NOL4: variants seen among roughly 807,000 people sequenced by gnomAD.
NOL4 encodes nucleolar protein 4, also known as cancer/testis antigen 125.
NOL4 carries 17 observed loss-of-function variants against 75.9 expected under a neutral mutation model. That is an observed-to-expected ratio of 0.22 (90% CI 0.15 to 0.34). NOL4 has a LOEUF of 0.34. Among genes scored for constraint, NOL4 ranks in the 10% least tolerant of loss-of-function variants. NOL4 has a pLI of 1.00. For synonymous variants in NOL4, 292 were observed against 289.9 expected (o/e 1.01, Z -0.07); for missense variants, 614 against 793.5 (o/e 0.77, Z 2.72).
chr18:34,196,765 T>C (rs937506133), intron 1 of NOL4, among the ~76,000 whole-genome samples: 12 of 151,248 alleles, frequency 7.9e-5, no homozygotes, highest in African/African-American at 2.9e-4. Context: ...TATAATTCCT[T>C]CATCTACACT....
intron 1 of NOL4, among the ~76,000 whole-genome samples, chr18:34,169,121 G>A (rs1156920445): frequency 6.6e-6 from 1 of 151,816 alleles, no homozygotes; most frequent in Non-Finnish European, 1.5e-5. Flanking sequence ...TATAAAAAGG[G>A]AAGAAGAGCA....
chr18:34,077,200 T>C (rs1417889514), intron 5 of NOL4, among the ~76,000 whole-genome samples: 1 of 151,974 alleles, frequency 6.6e-6, no homozygotes, highest in Non-Finnish European at 1.5e-5. Context: ...CCCAGCTACC[T>C]GGGAGGCTGA....
intron 1 of NOL4, among the ~76,000 whole-genome samples, chr18:34,183,169 GTA>G (rs1365046294): frequency 6.6e-6 from 1 of 151,790 alleles, no homozygotes; most frequent in Non-Finnish European, 1.5e-5. Flanking sequence ...CAAAGGATTT[GTA>G]TTTAGAACAT....
chr18:33,982,081 T>C (rs1032093080), intron 6 of NOL4, among the ~76,000 whole-genome samples: 1 of 151,896 alleles, frequency 6.6e-6, no homozygotes, highest in Non-Finnish European at 1.5e-5. Context: ...GGAGAGAACA[T>C]GGAACCACAT....
chr18:33,908,063 T>A (rs988025466), intron 9 of NOL4, among the ~76,000 whole-genome samples: 1 of 152,120 alleles, frequency 6.6e-6, no homozygotes, highest in Non-Finnish European at 1.5e-5. Context: ...ATGGTTAGAT[T>A]GATTGTCACA....
chr18:34,079,487 A>T (rs1229810801), intron 5 of NOL4, among the ~76,000 whole-genome samples: 1 of 151,546 alleles, frequency 6.6e-6, no homozygotes, highest in Non-Finnish European at 1.5e-5. Flanking sequence ...TTGTTGCTGA[A>T]CCCTTCAGGT....
At chr18:34,061,891 T>A (rs1034321348) in intron 5 of NOL4, among the ~76,000 whole-genome samples, 1 of 152,136 alleles carries the variant, frequency 6.6e-6, no homozygotes, top group Non-Finnish European at 1.5e-5. Context: ...TAACAATATT[T>A]ATCATAGTTG....
At chr18:34,193,990 C>A (rs1329545983) in intron 1 of NOL4, among the ~76,000 whole-genome samples, 1 of 151,946 alleles carries the variant, frequency 6.6e-6, no homozygotes, top group Non-Finnish European at 1.5e-5. Flanking sequence ...ATAAATTCTT[C>A]ATGATCTCAT....
chr18:34,213,316 GTC>G (rs1271494642), intron 1 of NOL4, among the ~76,000 whole-genome samples: 2 of 152,142 alleles, frequency 1.3e-5, no homozygotes, highest in African/African-American at 4.8e-5. Flanking sequence ...TTGAGATGGA[GTC>G]TCACTCTGTC....
At chr18:34,001,957 C>A (rs1343001265) in intron 6 of NOL4, among the ~76,000 whole-genome samples, 2 of 152,230 alleles carry the variant, frequency 1.3e-5, no homozygotes, top group East Asian at 3.9e-4. Context: ...TATCTTCAAA[C>A]TGGGTGTCAC....
intron 6 of NOL4, among the ~76,000 whole-genome samples, chr18:33,974,196 TC>T (rs2071309947): frequency 6.6e-6 from 1 of 152,194 alleles, no homozygotes; most frequent in Non-Finnish European, 1.5e-5. Flanking sequence ...AAGGCCTCTT[TC>T]CTTAAACCTT....
At chr18:34,064,848 A>C (rs1438761068) in intron 5 of NOL4, among the ~76,000 whole-genome samples, 1 of 151,670 alleles carries the variant, frequency 6.6e-6, no homozygotes, top group Non-Finnish European at 1.5e-5. Context: ...TATCTAAAGG[A>C]GCTTACTATA....
At chr18:34,102,598 A>G (rs1415252883) in intron 4 of NOL4, among the ~76,000 whole-genome samples, 1 of 152,026 alleles carries the variant, frequency 6.6e-6, no homozygotes, top group Non-Finnish European at 1.5e-5. Context: ...TCTTTTGTGT[A>G]AAATACTTAT....
At chr18:33,915,946 C>G (rs764354139) in intron 9 of NOL4, among the ~76,000 whole-genome samples, 1 of 152,014 alleles carries the variant, frequency 6.6e-6, no homozygotes, top group African/African-American at 2.4e-5. Context: ...AATTTATTCC[C>G]AAATTGCAAA....
intron 1 of NOL4, among the ~76,000 whole-genome samples, chr18:34,161,044 T>C (rs916304519): frequency 1.3e-5 from 2 of 152,176 alleles, no homozygotes. Context: ...CTTTCTTAGC[T>C]TCCACATGAG....
intron 1 of NOL4, among the ~76,000 whole-genome samples, chr18:34,186,175 A>T (rs969596762): frequency 6.6e-6 from 1 of 152,120 alleles, no homozygotes; most frequent in Non-Finnish European, 1.5e-5. Context: ...AATGTTCTCC[A>T]TGTTTGGGTA....
intron 9 of NOL4, among the ~76,000 whole-genome samples, chr18:33,887,010 CATAT>C (rs1211850908): frequency 7.5e-6 from 1 of 133,074 alleles, no homozygotes; most frequent in Non-Finnish European, 1.6e-5. Context: ...TATCTATATA[CATAT>C]ATATCTATAT....
intron 1 of NOL4, among the ~76,000 whole-genome samples, chr18:34,147,303 A>C (rs897920169): frequency 6.6e-6 from 1 of 152,168 alleles, no homozygotes; most frequent in African/African-American, 2.4e-5. Flanking sequence ...GTCAGTTTTC[A>C]AAGGGAATGC....
chr18:34,080,299 T>A (rs1398784574), intron 5 of NOL4, among the ~76,000 whole-genome samples: 1 of 152,186 alleles, frequency 6.6e-6, no homozygotes, highest in Non-Finnish European at 1.5e-5. Flanking sequence ...AGTTATCTAA[T>A]GGCCTCACCC....
Sources: gnomAD v4.1 joint callset for allele counts (sites outside exome capture counted in the v4.1 genomes callset) on GRCh38, gnomAD v4.1.1 for gene constraint, MANE v1.5 for transcripts, NCBI Gene and HGNC (gene_info 2026-07-23, HGNC 2026-07-21) for gene names.